Variants in DRG1 observed in about 807,000 individuals in gnomAD.
DRG1 encodes the protein developmentally-regulated GTP-binding protein 1.
A neutral mutation model predicts 38.8 loss-of-function variants in DRG1; 19 were observed. The ratio of observed to expected loss-of-function variants is 0.49; its 90% CI spans 0.34 to 0.72. The LOEUF is 0.72. DRG1 is among the 30% of genes least tolerant of loss of function. The pLI, the probability that DRG1 is intolerant of heterozygous loss-of-function variation, is 0.01. For missense variants in DRG1, 299 were observed against 444.8 expected (o/e 0.67, Z 2.95); for synonymous variants, 167 against 157.5 (o/e 1.06, Z -0.45).
chr22:31,414,866 A>G (rs934437038), intron 4 of DRG1, among the ~76,000 whole-genome samples: 3 of 151,318 alleles, frequency 2.0e-5, no homozygotes, highest in Non-Finnish European at 2.9e-5. Context: ...TGCAGCCTCA[A>G]TTTCCTGGGA....
intron 3 of DRG1, among the ~76,000 whole-genome samples, chr22:31,404,385 C>A (rs1218860128): frequency 6.6e-6 from 1 of 151,326 alleles, no homozygotes; most frequent in Non-Finnish European, 1.5e-5. Flanking sequence ...GGACTACAGG[C>A]ACGCACCCCC....
intron 3 of DRG1, among the ~76,000 whole-genome samples, chr22:31,408,297 G>A (rs186635309): frequency 9.3e-4 from 136 of 145,620 alleles, no homozygotes; most frequent in African/African-American, 3.2e-3. Flanking sequence ...CCGCCACTAC[G>A]CCCCACTAAT....
In DRG1 at chr22:31,428,798, T is replaced by C. The variant is rs1388046233; in HGVS notation, c.1004+1616T>C. Among the ~76,000 whole-genome samples the C allele has an allele frequency of 2.6e-5, 4 of 152,320 alleles. No individual in the cohort carries two copies. The South Asian group carries it at 8.3e-4, about 32-fold the overall frequency. On this transcript the variant is annotated intron_variant, in intron 8 of 8. Transcript: ENST00000331457. ...ACTTTTGAAGAGTGTTCACTAGTTA[T>C]TTGATTGAATATTCCTTAGTTTGAG...
At chr22:31,412,833 G>A (rs1041524558) in intron 4 of DRG1, among the ~76,000 whole-genome samples, 5 of 151,756 alleles carry the variant, frequency 3.3e-5, no homozygotes, top group Admixed American at 6.6e-5. Flanking sequence ...CTACAGGTGC[G>A]TGCCACCATA....
chr22:31,419,640 G>A (rs2050065059), intron 4 of DRG1, among the ~76,000 whole-genome samples: 1 of 152,148 alleles, frequency 6.6e-6, no homozygotes, highest in Admixed American at 6.6e-5. Flanking sequence ...AATATTCCAT[G>A]TCTTGATTGG....
chr22:31,405,888 A>G (rs2049987530), intron 3 of DRG1, among the ~76,000 whole-genome samples: 1 of 151,814 alleles, frequency 6.6e-6, no homozygotes, highest in South Asian at 2.1e-4. Flanking sequence ...GGGTTTCACC[A>G]TATTGATCAG....
chr22:31,426,384 A>T, intron 6 of DRG1: 1 of 431,660 alleles, frequency 2.3e-6, no homozygotes, highest in Non-Finnish European at 4.1e-6. Context: ...TTTCCACTGC[A>T]GTATGCTTTC....
At chr22:31,404,226 A>G (rs1432909508) in intron 3 of DRG1, among the ~76,000 whole-genome samples, 2 of 149,940 alleles carry the variant, frequency 1.3e-5, no homozygotes, top group East Asian at 3.9e-4. Context: ...ATGTAAGCTT[A>G]CTAGTGGGTA....
chr22:31,425,371 C>T (rs979352471), intron 6 of DRG1, among the ~76,000 whole-genome samples: 7 of 151,768 alleles, frequency 4.6e-5, no homozygotes, highest in Admixed American at 1.3e-4. Context: ...GAAGTCCGAG[C>T]AGGCCAGGCT....
chr22:31,422,423 C>T (rs2050082103), intron 5 of DRG1, among the ~76,000 whole-genome samples: 1 of 152,018 alleles, frequency 6.6e-6, no homozygotes, highest in South Asian at 2.1e-4. Flanking sequence ...AAGAGCAAAA[C>T]TCCGTCTCAA....
intron 4 of DRG1, among the ~76,000 whole-genome samples, chr22:31,416,264 G>A (rs1417080945): frequency 6.6e-6 from 1 of 152,114 alleles, no homozygotes; most frequent in African/African-American, 2.4e-5. Context: ...GTGACAGAGT[G>A]AGACTCTGTC....
chr22:31,426,534 G>A (rs773919193), intron 6 of DRG1, 81 bp from the exon 7 acceptor site: 13 of 1,309,764 alleles, frequency 9.9e-6, no homozygotes, highest in Middle Eastern at 2.1e-4. Context: ...GTTGGGTCTG[G>A]GTGAGGGTGT....
chr22:31,431,035 C>CCT (rs2050136481), intron 8 of DRG1, among the ~76,000 whole-genome samples: 6 of 56,764 alleles, frequency 1.1e-4, no homozygotes, highest in African/African-American at 2.7e-4. Flanking sequence ...CCCCCCCCCG[C>CCT]TTTTTTTTTT....
intron 8 of DRG1, among the ~76,000 whole-genome samples, chr22:31,430,645 C>T (rs1243957972): frequency 2.6e-5 from 4 of 151,912 alleles, no homozygotes; most frequent in South Asian, 2.1e-4. Context: ...GTGATCCGCC[C>T]GCCTCGGCCT....
At chr22:31,413,295 C>T (rs1051096281) in intron 4 of DRG1, among the ~76,000 whole-genome samples, 1 of 152,064 alleles carries the variant, frequency 6.6e-6, no homozygotes, top group African/African-American at 2.4e-5. Flanking sequence ...GGGTCTTGCT[C>T]TGTTGCCCAG....
chr22:31,419,878 C>T (rs757335368), intron 4 of DRG1, among the ~76,000 whole-genome samples: 6 of 152,098 alleles, frequency 3.9e-5, no homozygotes, highest in Non-Finnish European at 7.4e-5. Flanking sequence ...GAAACCTCGT[C>T]TCTACTAAAA....
chr22:31,410,412 A>G (rs1423144546), intron 3 of DRG1, among the ~76,000 whole-genome samples: 2 of 151,446 alleles, frequency 1.3e-5, no homozygotes, highest in African/African-American at 4.9e-5. Context: ...CAGAGGTGGC[A>G]CCACTGCACT....
chr22:31,426,056 AAC>A, intron 6 of DRG1, among the ~76,000 whole-genome samples: 1 of 152,228 alleles, frequency 6.6e-6, no homozygotes, highest in Admixed American at 6.5e-5. Flanking sequence ...CAATAAATAA[AAC>A]ACTTATTTTT....
intron 1 of DRG1, among the ~76,000 whole-genome samples, 168 bp from the exon 2 acceptor site, chr22:31,400,452 G>T (rs939259803): frequency 5.3e-5 from 8 of 152,060 alleles, no homozygotes; most frequent in African/African-American, 1.2e-4. Context: ...GCTTTGCTTT[G>T]TAGTGAGGGA....
Sources: gnomAD v4.1 joint callset for allele counts (sites outside exome capture counted in the v4.1 genomes callset) on GRCh38, gnomAD v4.1.1 for gene constraint, MANE v1.5 for transcripts, NCBI Gene and HGNC (gene_info 2026-07-23, HGNC 2026-07-21) for gene names.